Variants in GPC5 observed in about 807,000 individuals in gnomAD.
GPC5 encodes glypican-5.
A neutral mutation model predicts 53.9 loss-of-function variants in GPC5; 47 were observed. That is an observed-to-expected ratio of 0.87 (90% CI 0.69 to 1.11). The LOEUF (loss-of-function observed/expected upper bound fraction) is 1.11, where lower values mean the gene tolerates loss of function less well. Among genes scored for constraint, GPC5 ranks in the 50% most tolerant of loss-of-function variants. GPC5 has a pLI of 0.00. For missense variants in GPC5, 748 were observed against 713.1 expected (o/e 1.05, Z -0.56); for synonymous variants, 286 against 263.3 (o/e 1.09, Z -0.84).
chr13:91,727,439 T>C (rs1267194628), intron 3 of GPC5, among the ~76,000 whole-genome samples: 5 of 152,244 alleles, frequency 3.3e-5, no homozygotes, highest in Non-Finnish European at 7.3e-5. Flanking sequence ...TTCCTTTATT[T>C]CTTCCCTCTT....
chr13:91,738,341 T>C (rs533731652), intron 4 of GPC5, among the ~76,000 whole-genome samples: 1 of 151,572 alleles, frequency 6.6e-6, no homozygotes, highest in East Asian at 1.9e-4. Flanking sequence ...CCTACAGTTA[T>C]ATTTTGGGGT....
intron 2 of GPC5, among the ~76,000 whole-genome samples, chr13:91,470,172 G>C (rs1388057812): frequency 1.3e-5 from 2 of 152,122 alleles, no homozygotes; most frequent in Non-Finnish European, 2.9e-5. Flanking sequence ...GCTTGGTTAT[G>C]TCATGTCTTC....
intron 7 of GPC5, among the ~76,000 whole-genome samples, chr13:92,191,809 C>T (rs763252475): frequency 4.6e-5 from 7 of 152,120 alleles, no homozygotes; most frequent in Non-Finnish European, 1.0e-4. Flanking sequence ...TCCTCAGCTT[C>T]CAAATGGGAT....
At chr13:91,447,132 A>G (rs1406121880) in intron 1 of GPC5, among the ~76,000 whole-genome samples, 2 of 152,228 alleles carry the variant, frequency 1.3e-5, no homozygotes, top group East Asian at 1.9e-4. Flanking sequence ...ACAGTGTTAT[A>G]TATTTAAATT....
intron 7 of GPC5, among the ~76,000 whole-genome samples, chr13:92,466,458 C>A (rs1878695656): frequency 6.6e-6 from 1 of 151,978 alleles, no homozygotes; most frequent in Non-Finnish European, 1.5e-5. Context: ...CAATTCATTT[C>A]TAAATAGCTT....
At chr13:91,889,464 T>A (rs2039361600) in intron 5 of GPC5, among the ~76,000 whole-genome samples, 1 of 151,940 alleles carries the variant, frequency 6.6e-6, no homozygotes, top group South Asian at 2.1e-4. Context: ...TTACTGATTT[T>A]TTTTTTCTTT....
At chr13:92,131,936 G>T (rs2041747429) in intron 6 of GPC5, among the ~76,000 whole-genome samples, 2 of 151,780 alleles carry the variant, frequency 1.3e-5, no homozygotes, top group African/African-American at 4.8e-5. Flanking sequence ...ATACCCAACA[G>T]ATATAACTGG....
At chr13:91,919,307 G>A (rs2039688391) in intron 6 of GPC5, among the ~76,000 whole-genome samples, 1 of 152,168 alleles carries the variant, frequency 6.6e-6, no homozygotes, top group African/African-American at 2.4e-5. Context: ...AATGCCCCAA[G>A]AAAGTTTTCT....
At chr13:92,196,847 TGG>T (rs2042260251) in intron 7 of GPC5, among the ~76,000 whole-genome samples, 1 of 152,108 alleles carries the variant, frequency 6.6e-6, no homozygotes, top group Admixed American at 6.6e-5. Context: ...CAGAAAGCAG[TGG>T]GTGAAAGTGG....
At chr13:91,910,826 A>T (rs2039603098) in intron 6 of GPC5, among the ~76,000 whole-genome samples, 1 of 152,222 alleles carries the variant, frequency 6.6e-6, no homozygotes, top group Non-Finnish European at 1.5e-5. Context: ...TGAATAAAGC[A>T]GACACAACCC....
chr13:91,619,354 G>A (rs2033790028), intron 2 of GPC5, among the ~76,000 whole-genome samples: 2 of 151,954 alleles, frequency 1.3e-5, no homozygotes, highest in African/African-American at 2.4e-5. Flanking sequence ...GCTCCTATAC[G>A]AGGGCAAACC....
chr13:92,375,810 T>C (rs1463440720), intron 7 of GPC5, among the ~76,000 whole-genome samples: 1 of 152,226 alleles, frequency 6.6e-6, no homozygotes, highest in Admixed American at 6.5e-5. Flanking sequence ...GATAATTTGG[T>C]ATAGTCAACT....
At chr13:91,769,542 G>A (rs1201177932) in intron 5 of GPC5, among the ~76,000 whole-genome samples, 1 of 152,114 alleles carries the variant, frequency 6.6e-6, no homozygotes, top group African/African-American at 2.4e-5. Context: ...CTGAATATGT[G>A]GAAAGATCTG....
chr13:92,242,715 G>T (rs916028269), intron 7 of GPC5, among the ~76,000 whole-genome samples: 2 of 151,992 alleles, frequency 1.3e-5, no homozygotes. Flanking sequence ...TACTTCATGC[G>T]TAGGAGACAA....
At chr13:92,775,106 G>A (rs542546585) in intron 7 of GPC5, among the ~76,000 whole-genome samples, 44 of 152,260 alleles carry the variant, frequency 2.9e-4, no homozygotes, top group African/African-American at 9.9e-4. Flanking sequence ...GCTATGAACT[G>A]AGAAATATCA....
intron 1 of GPC5, among the ~76,000 whole-genome samples, chr13:91,439,498 CTTT>C (rs901794410): frequency 6.6e-6 from 1 of 152,176 alleles, no homozygotes; most frequent in African/African-American, 2.4e-5. Context: ...CAATCTGCAT[CTTT>C]TTCCTGAGCT....
At chr13:92,702,032 G>A (rs1887761926) in intron 7 of GPC5, among the ~76,000 whole-genome samples, 1 of 150,466 alleles carries the variant, frequency 6.6e-6, no homozygotes, top group South Asian at 2.1e-4. Context: ...CCCTGTTATA[G>A]GAGATGGGAC....
intron 5 of GPC5, among the ~76,000 whole-genome samples, chr13:91,891,930 AC>A (rs1355995736): frequency 6.6e-6 from 1 of 152,110 alleles, no homozygotes; most frequent in African/African-American, 2.4e-5. Flanking sequence ...TCAAAACAAA[AC>A]TGTGGGTGAC....
At chr13:92,452,550 G>GA (rs1250082714) in intron 7 of GPC5, among the ~76,000 whole-genome samples, 1 of 149,872 alleles carries the variant, frequency 6.7e-6, no homozygotes, top group Non-Finnish European at 1.5e-5. Context: ...AAGCTACAAG[G>GA]AAGGTATAAT....
Sources: allele counts gnomAD v4.1 joint callset (sites outside exome capture counted in the v4.1 genomes callset), GRCh38; gene constraint gnomAD v4.1.1; transcripts MANE v1.5; gene names NCBI Gene and HGNC (gene_info 2026-07-23, HGNC 2026-07-21).